ZSWIM6: variants seen among roughly 807,000 people sequenced by gnomAD.
ZSWIM6 encodes the protein zinc finger SWIM-type containing 6, also known as zinc finger SWIM domain-containing protein 6.
In ZSWIM6, 9 loss-of-function variants were observed where a neutral mutation model predicts 113.2. The ratio of observed to expected loss-of-function variants is 0.08; its 90% CI spans 0.05 to 0.14. The LOEUF (loss-of-function observed/expected upper bound fraction) is 0.14. Among genes scored for constraint, ZSWIM6 ranks in the 10% least tolerant of loss-of-function variants. The pLI is 1.00. For synonymous variants in ZSWIM6, 611 were observed against 606.5 expected (o/e 1.01, Z -0.11); for missense variants, 1,162 against 1,552.2 (o/e 0.75, Z 4.22).
At chr5:61,363,022 A>G (rs924676492) in intron 1 of ZSWIM6, among the ~76,000 whole-genome samples, 20 of 152,228 alleles carry the variant, frequency 1.3e-4, no homozygotes, top group African/African-American at 4.6e-4. Flanking sequence ...GCATTGGCCT[A>G]TGACCTCTTA....
rs779283808 is a variant in ZSWIM6 at position 61,332,422 on chromosome 5, C to CGCGGCGGCG, written c.160_168dup (p.Ala54_Ala56dup). The CGCGGCGGCG allele has an allele frequency of 2.0e-6, 2 of 995,410 alleles. No homozygotes were observed. The highest frequency in any genetic ancestry group is 2.4e-6 in the Non-Finnish European group (2 of 839,846). 61.7% of individuals were successfully genotyped at this position (995,410 alleles called of 1,614,324 possible). A position where few individuals can be genotyped will look rare whatever the true frequency, so the allele number is the denominator to read the frequency against. The stretch of plus-strand genomic sequence containing the variant: ...GTCGGCCAGGCCCGCGGGCGGGTGG[C>CGCGGCGGCG]GCGGCGGCGGCGGCGGCGTGCGGGG... On this transcript the variant is annotated inframe_insertion, in exon 1 of 14. Coordinates refer to ENST00000252744, the MANE Select transcript of ZSWIM6 (RefSeq NM_020928.2).
intron 5 of ZSWIM6, among the ~76,000 whole-genome samples, chr5:61,523,271 A>T (rs559234037): frequency 2.0e-5 from 3 of 152,322 alleles, no homozygotes; most frequent in Admixed American, 2.0e-4. Context: ...AGCTGGACTG[A>T]GTGTGCACAC....
At chr5:61,382,687 C>G (rs1745509108) in intron 1 of ZSWIM6, among the ~76,000 whole-genome samples, 1 of 152,060 alleles carries the variant, frequency 6.6e-6, no homozygotes, top group African/African-American at 2.4e-5. Flanking sequence ...CTCTGGTAGT[C>G]CCAGCTACTC....
intron 1 of ZSWIM6, chr5:61,391,727 A>G: frequency 8.7e-7 from 1 of 1,151,880 alleles, no homozygotes; most frequent in Non-Finnish European, 1.3e-6. Flanking sequence ...CCAGCCTTGT[A>G]TCCCAGGAAG....
chr5:61,525,108 G>A (rs1194758485), intron 5 of ZSWIM6, among the ~76,000 whole-genome samples: 1 of 152,204 alleles, frequency 6.6e-6, no homozygotes, highest in Non-Finnish European at 1.5e-5. Flanking sequence ...ACCAGTCATG[G>A]AACCTGCCCA....
intron 1 of ZSWIM6, among the ~76,000 whole-genome samples, chr5:61,369,640 T>C (rs1282251842): frequency 6.6e-6 from 1 of 152,162 alleles, no homozygotes; most frequent in African/African-American, 2.4e-5. Flanking sequence ...GTCTGCTTAC[T>C]TGAGTGGTGG....
intron 9 of ZSWIM6, among the ~76,000 whole-genome samples, chr5:61,534,544 C>G (rs1456351751): frequency 1.3e-5 from 2 of 152,084 alleles, no homozygotes; most frequent in Non-Finnish European, 2.9e-5. Flanking sequence ...GTTCATAATT[C>G]TAGAAATCAT....
chr5:61,516,463 C>CTATATA (rs899895134), intron 4 of ZSWIM6, among the ~76,000 whole-genome samples: 25 of 140,576 alleles, frequency 1.8e-4, no homozygotes, highest in South Asian at 2.2e-4. Context: ...TATATAAAAA[C>CTATATA]TATATATATA....
At chr5:61,353,484 G>C (rs949648801) in intron 1 of ZSWIM6, among the ~76,000 whole-genome samples, 4 of 152,146 alleles carry the variant, frequency 2.6e-5, no homozygotes, top group African/African-American at 9.7e-5. Flanking sequence ...TCCAAGTGTT[G>C]CTAGAGGCAG....
Position 61,543,704 on chromosome 5 carries a change from C to A in ZSWIM6, c.3035C>A (p.Thr1012Lys), listed in dbSNP as rs138406248. Residue 1012 changes from threonine (T) to lysine (K), a missense_variant, in exon 14 of 14, where the codon ACG (threonine) becomes AAG (lysine). Transcript: ENST00000252744. This position sits in a 1 kb window ranked among gnomAD's most constrained non-coding sequence, Gnocchi z 4.3. ...GAAAAGGATCACATAGCTTTTGAGA[C>A]GGCGTACCAAATTGTTCTCGACGCT... ...LCEKDHIAFETAYQIVLDAAT... is the reference protein window; with the variant it reads ...LCEKDHIAFEKAYQIVLDAAT... The A allele has an allele frequency of 6.4e-7, 1 of 1,551,670 alleles. No individual in the cohort carries two copies. The highest frequency in any genetic ancestry group is 8.7e-7 in the Non-Finnish European group (1 of 1,147,016).
rs145125153 is a variant in ZSWIM6, at chr5:61,364,554, C to G, written c.676+31606C>G. Among the ~76,000 whole-genome samples, 832 of 152,260 alleles carry G rather than the reference C, an allele frequency of 5.5e-3. 7 individuals are homozygous for G. The highest frequency in any genetic ancestry group is 9.2e-3 in the Non-Finnish European group (628 of 67,996). ...CACATCTATACTCATTAGTTTATGT[C>G]TTAGTCCTTTGGGGCTACTGTAGCA... is the stretch of plus-strand genomic sequence containing the variant. On this transcript the variant is annotated intron_variant, in intron 1 of 13. Transcript: ENST00000252744.
chr5:61,358,970 A>G (rs1034214261), intron 1 of ZSWIM6, among the ~76,000 whole-genome samples: 16 of 152,170 alleles, frequency 1.1e-4, no homozygotes, highest in Non-Finnish European at 2.4e-4. Flanking sequence ...GGGAACTTTA[A>G]TCTCTCATAT....
At chr5:61,495,941 C>CTG (rs1748303300) in intron 4 of ZSWIM6, among the ~76,000 whole-genome samples, 1 of 152,028 alleles carries the variant, frequency 6.6e-6, no homozygotes, top group African/African-American at 2.4e-5. Flanking sequence ...TTACAAACGA[C>CTG]TGTTTAGGAA....
chr5:61,423,472 C>T (rs1350691840), intron 1 of ZSWIM6, among the ~76,000 whole-genome samples: 1 of 151,370 alleles, frequency 6.6e-6, no homozygotes, highest in Admixed American at 6.6e-5. Context: ...AAATGGGCAT[C>T]CTTGTTGTTG....
chr5:61,375,004 T>G, intron 1 of ZSWIM6: 1 of 1,062,240 alleles, frequency 9.4e-7, no homozygotes, highest in Non-Finnish European at 1.4e-6. Flanking sequence ...AGGAACACTA[T>G]GAAAAAGAAG....
chr5:61,509,403 A>T (rs1004810562), intron 4 of ZSWIM6, among the ~76,000 whole-genome samples: 1 of 152,156 alleles, frequency 6.6e-6, no homozygotes, highest in Non-Finnish European at 1.5e-5. Flanking sequence ...TTTGGCAAAG[A>T]TACTGTGGGA....
intron 1 of ZSWIM6, among the ~76,000 whole-genome samples, chr5:61,343,088 C>T (rs1374960029): frequency 6.6e-6 from 1 of 152,076 alleles, no homozygotes; most frequent in East Asian, 1.9e-4. Flanking sequence ...ATTTTAAGGT[C>T]CTTTTAAAAT....
intron 2 of ZSWIM6, among the ~76,000 whole-genome samples, chr5:61,477,199 T>C (rs563328632): frequency 1.3e-5 from 2 of 152,294 alleles, no homozygotes; most frequent in East Asian, 3.9e-4. Context: ...GACAGTCTGA[T>C]GGGAAACTGT....
At chr5:61,531,249 T>C (rs1246051126) in intron 8 of ZSWIM6, among the ~76,000 whole-genome samples, 1 of 152,218 alleles carries the variant, frequency 6.6e-6, no homozygotes, top group Non-Finnish European at 1.5e-5. Flanking sequence ...GTATTTGTAA[T>C]GTTATATCCC....
Sources: gnomAD v4.1 joint callset for allele counts (sites outside exome capture counted in the v4.1 genomes callset) on GRCh38, gnomAD v4.1.1 for gene constraint, Gnocchi (gnomAD v3.1) non-coding constraint, MANE v1.5 for transcripts, NCBI Gene and HGNC (gene_info 2026-07-23, HGNC 2026-07-21) for gene names.